HGSNAT: variants seen among roughly 807,000 people sequenced by gnomAD.
HGSNAT encodes transmembrane protein 76.
A neutral mutation model predicts 85.2 loss-of-function variants in HGSNAT; 59 were observed. The observed-to-expected ratio is 0.69, with a 90% CI of 0.56 to 0.86. HGSNAT has a LOEUF of 0.86. HGSNAT is among the 40% of genes least tolerant of loss of function. HGSNAT has a pLI of 0.00. For missense variants in HGSNAT, 756 were observed against 777.1 expected (o/e 0.97, Z 0.32); for synonymous variants, 321 against 304.5 (o/e 1.05, Z -0.56).
intron 15 of HGSNAT, 101 bp downstream of exon 15, chr8:43,197,126 A>T (rs1804752040): frequency 1.3e-6 from 1 of 763,790 alleles, no homozygotes; most frequent in Admixed American, 2.1e-5. Context: ...CATTGTCACC[A>T]CATGGCAGCA....
At chr8:43,166,573 A>T (rs1803443611) in intron 5 of HGSNAT, among the ~76,000 whole-genome samples, 1 of 152,218 alleles carries the variant, frequency 6.6e-6, no homozygotes, top group Non-Finnish European at 1.5e-5. Context: ...CCTACTGTCG[A>T]GACCTACTGT....
chr8:43,199,428 T>G lies in HGSNAT; in HGVS notation c.1767T>G (p.Phe589Leu), dbSNP rs2130825621. Residue 589 changes from phenylalanine (F) to leucine (L), a missense_variant, in exon 18 of 18, where the codon TTT (phenylalanine) becomes TTG (leucine). Phe to Leu is a conservative substitution (Grantham distance 22). Transcript: ENST00000379644. ...TGGTATATGTCGGCCACGAGGTGTT[T>G]GAGAACTACTTCCCCTTTCAGTGGA... ...SILVYVGHEV[F>L]ENYFPFQWKL... is the part of the protein sequence containing the mutation. The G allele has an allele frequency of 6.2e-7, 1 of 1,609,612 alleles. No homozygotes were observed. The highest frequency in any genetic ancestry group is 1.7e-5 in the Admixed American group (1 of 59,416).
chr8:43,145,304 A>C (rs1437820084), intron 1 of HGSNAT, among the ~76,000 whole-genome samples: 2 of 151,908 alleles, frequency 1.3e-5, no homozygotes, highest in Non-Finnish European at 2.9e-5. Flanking sequence ...CATGATGGCC[A>C]AAAAAAAGCA....
Position 43,201,668 on chromosome 8 carries a change from G to A in HGSNAT, c.*2099G>A, listed in dbSNP as rs1471396828. 6.6e-6 allele frequency: 1 copy of A among 152,196 alleles called. No homozygotes were observed. Among genetic ancestry groups the A allele is most frequent in the African/African-American group, 2.4e-5 (1 of 41,432 alleles). 9.4% of individuals were successfully genotyped at this position (152,196 alleles called of 1,614,324 possible). A position where few individuals can be genotyped will look rare whatever the true frequency, so the allele number is the denominator to read the frequency against. The stretch of plus-strand genomic sequence containing the variant: ...CAGCATTTAGTGCTTCCTGCCTGGT[G>A]TGACAGTTACCTGTGTGCATGTGCA... On this transcript the variant is annotated 3_prime_UTR_variant, in exon 18 of 18. Transcript: ENST00000379644. This position sits in a 1 kb window ranked among gnomAD's most constrained non-coding sequence, Gnocchi z 4.4.
chr8:43,197,027 T>G lies in HGSNAT; in HGVS notation c.1542+2T>G, dbSNP rs1554537613. On this transcript the variant is annotated splice_donor_variant, in intron 15 of 17. Coordinates refer to ENST00000379644, the MANE Select transcript of HGSNAT (RefSeq NM_152419.3). LOFTEE classifies it high-confidence loss of function. Reference sequence around the variant, plus strand: ...TTCACTGCTTGGTGTTGTATTCTTGTAAGTAAGCAGCATTCCTCGCTAAAA... The same window carrying G: ...TTCACTGCTTGGTGTTGTATTCTTGGAAGTAAGCAGCATTCCTCGCTAAAA... The G allele has an allele frequency of 6.3e-7, 1 of 1,596,662 alleles. No individual in the cohort carries two copies. Among genetic ancestry groups the G allele is most frequent in the Middle Eastern group, 1.7e-4 (1 of 6,034 alleles).
chr8:43,165,044 ATTTTTTT>A (rs1175997527), intron 5 of HGSNAT, among the ~76,000 whole-genome samples: 2 of 72,032 alleles, frequency 2.8e-5, no homozygotes, highest in Admixed American at 1.5e-4. Context: ...CACCATGATA[ATTTTTTT>A]TTTTTTTTTT....
chr8:43,159,356 G>A (rs1459558223), intron 4 of HGSNAT, among the ~76,000 whole-genome samples: 1 of 152,206 alleles, frequency 6.6e-6, no homozygotes, highest in Non-Finnish European at 1.5e-5. Flanking sequence ...GGGAGGCCAA[G>A]GCAGGCAGAT....
rs1804752323 is a variant in HGSNAT at position 43,197,130 on chromosome 8, G to GA, written c.1542+105_1542+106insA. On this transcript the variant is annotated intron_variant, in intron 15 of 17. Transcript: ENST00000379644. ...ACTGAGCTAGCCATTGTCACCACAT[G>GA]GCAGCAGGTACCATTTTCTTCACTT... The GA allele has an allele frequency of 6.8e-6, 5 of 737,986 alleles. No homozygotes were observed. The African/African-American group carries it at 8.7e-5, about 13-fold the overall frequency. 45.7% of individuals were successfully genotyped at this position (737,986 alleles called of 1,614,324 possible).
At chr8:43,141,075 C>T (rs1044146118) in intron 1 of HGSNAT, among the ~76,000 whole-genome samples, 1 of 152,222 alleles carries the variant, frequency 6.6e-6, no homozygotes, top group African/African-American at 2.4e-5. Flanking sequence ...CCCCCGAGGA[C>T]GTGGCGCCGG....
At chr8:43,148,797 A>G (rs1802797602) in intron 2 of HGSNAT, among the ~76,000 whole-genome samples, 1 of 139,096 alleles carries the variant, frequency 7.2e-6, no homozygotes, top group Non-Finnish European at 1.6e-5. Flanking sequence ...CCGTCTCAAG[A>G]AAAAAAAAAA....
intron 11 of HGSNAT, among the ~76,000 whole-genome samples, chr8:43,189,634 A>C (rs1804456484): frequency 6.6e-6 from 1 of 152,192 alleles, no homozygotes; most frequent in Admixed American, 6.5e-5. Context: ...GACAAGCCCC[A>C]GTGAGATGAA....
chr8:43,160,187 G>C (rs1027931580), intron 4 of HGSNAT, among the ~76,000 whole-genome samples: 3 of 152,240 alleles, frequency 2.0e-5, no homozygotes, highest in African/African-American at 7.2e-5. Context: ...CAGTTGAAAG[G>C]AGAGATTTAA....
Position 43,178,065 on chromosome 8 carries a change from T to A in HGSNAT, c.852-9T>A. ...AATGGCCACCTATTAATAACTAGAT[T>A]CTTTTTAGGTTTGTATTTATTATGG... On this transcript the variant is annotated splice_polypyrimidine_tract_variant and intron_variant, in intron 9 of 17. Transcript: ENST00000379644. 6.2e-7 allele frequency: 1 copy of A among 1,612,080 alleles called. No individual in the cohort carries two copies. Among genetic ancestry groups the A allele is most frequent in the Non-Finnish European group, 8.5e-7 (1 of 1,178,356 alleles).
At position 43,201,782 on chromosome 8, in the gene HGSNAT, G is replaced by A. The variant is rs541232576; in HGVS notation, c.*2213G>A. 1 of 152,352 alleles carries A rather than the reference G, an allele frequency of 6.6e-6. No individual in the cohort carries two copies. Among genetic ancestry groups the A allele is most frequent in the East Asian group, 1.9e-4 (1 of 5,186 alleles). 9.4% of individuals were successfully genotyped at this position (152,352 alleles called of 1,614,324 possible). A position where few individuals can be genotyped will look rare whatever the true frequency, so the allele number is the denominator to read the frequency against. ...TGTATTCCTCATGGTGCCAAACACA[G>A]TGCCTTCTACATTGCAGGCGCTGAA... On this transcript the variant is annotated 3_prime_UTR_variant, in exon 18 of 18. Coordinates refer to ENST00000379644, the MANE Select transcript of HGSNAT (RefSeq NM_152419.3). The surrounding 1 kb of genome is among the most constrained non-coding windows in gnomAD (Gnocchi z 4.4).
At chr8:43,172,458 A>G (rs1803659167) in intron 8 of HGSNAT, 72 bp downstream of exon 8, 4 of 1,101,612 alleles carry the variant, frequency 3.6e-6, no homozygotes, top group Non-Finnish European at 5.5e-6. Context: ...AGAATCACTC[A>G]GCATTCTCCC....
chr8:43,188,577 A>T (rs1212795099), intron 11 of HGSNAT, among the ~76,000 whole-genome samples: 1 of 152,090 alleles, frequency 6.6e-6, no homozygotes, highest in Admixed American at 6.5e-5. Context: ...CTTCTTTGAG[A>T]TGGGTTCAAA....
Position 43,169,192 on chromosome 8 carries a change from T to C in HGSNAT, c.583T>C (p.Trp195Arg). 1 of 1,574,852 alleles carries C rather than the reference T, an allele frequency of 6.3e-7. No homozygotes were observed. Among genetic ancestry groups the C allele is most frequent in the South Asian group, 1.2e-5 (1 of 83,400 alleles). ...LLLSLDDFNN[W>R]ISKAISSRET... ...TTTCAGTTTGGATGACTTTAACAAT[T>C]GGATTTCTAAAGCCATAAGTTCTCG... The change falls in exon 6 of 18, where the codon TGG (tryptophan) becomes CGG (arginine). Residue 195 changes from tryptophan to arginine, a missense_variant. Physicochemically the swap from Trp to Arg is moderately radical, Grantham distance 101. Coordinates refer to ENST00000379644, the MANE Select transcript of HGSNAT (RefSeq NM_152419.3).
chr8:43,159,592 A>C (rs1803204383), intron 4 of HGSNAT, among the ~76,000 whole-genome samples: 1 of 152,218 alleles, frequency 6.6e-6, no homozygotes, highest in African/African-American at 2.4e-5. Flanking sequence ...TGTCTCAAAA[A>C]AAATTATATG....
At chr8:43,147,589 G>A (rs566859722) in intron 2 of HGSNAT, among the ~76,000 whole-genome samples, 18 of 152,218 alleles carry the variant, frequency 1.2e-4, no homozygotes, top group Non-Finnish European at 2.5e-4. Flanking sequence ...ATGAAATCAT[G>A]TCCTTTGCAG....
Sources: allele counts gnomAD v4.1 joint callset (sites outside exome capture counted in the v4.1 genomes callset), GRCh38; gene constraint gnomAD v4.1.1; non-coding constraint Gnocchi (gnomAD v3.1); transcripts MANE v1.5; gene names NCBI Gene and HGNC (gene_info 2026-07-23, HGNC 2026-07-21).